Variants in RPS6KC1 observed in about 807,000 individuals in gnomAD.
RPS6KC1 encodes inactive ribosomal protein S6 kinase delta-1.
In RPS6KC1, 54 loss-of-function variants were observed where a neutral mutation model predicts 103.8. That is an observed-to-expected ratio of 0.52 (90% CI 0.42 to 0.65). The LOEUF (loss-of-function observed/expected upper bound fraction) is 0.65, where lower values mean the gene tolerates loss of function less well. Among genes scored for constraint, RPS6KC1 ranks in the 30% least tolerant of loss-of-function variants. The pLI is 0.00. For synonymous variants in RPS6KC1, 439 were observed against 438.7 expected, an observed-to-expected ratio of 1.00 and a Z score of -0.01; for missense variants, 1,151 against 1,253.8, an observed-to-expected ratio of 0.92 and a Z score of 1.24.
chr1:213,068,358 C>A (rs1331672063), intron 1 of RPS6KC1, among the ~76,000 whole-genome samples: 1 of 151,820 alleles, frequency 6.6e-6, no homozygotes, highest in Non-Finnish European at 1.5e-5. Flanking sequence ...GTAGCACATG[C>A]CTGTAGTCCC....
the RPS6KC1 span, among the ~76,000 whole-genome samples, chr1:213,482,190 T>G: frequency 6.6e-6 from 1 of 150,594 alleles, no homozygotes; most frequent in Non-Finnish European, 1.5e-5. Context: ...TATTTCTTCA[T>G]AGCAGTGAAG....
chr1:213,356,769 T>C, the RPS6KC1 span, among the ~76,000 whole-genome samples: 38 of 152,244 alleles, frequency 2.5e-4, no homozygotes, highest in Non-Finnish European at 4.6e-4. Flanking sequence ...GTTTACATCC[T>C]GCCAGCTTTT....
At chr1:213,544,858 C>T in the RPS6KC1 span, among the ~76,000 whole-genome samples, 3 of 152,142 alleles carry the variant, frequency 2.0e-5, no homozygotes, top group Non-Finnish European at 4.4e-5. Flanking sequence ...CTTTCTGTCT[C>T]CAAAGAGAAC....
At chr1:213,156,052 A>C (rs1477644248) in intron 6 of RPS6KC1, among the ~76,000 whole-genome samples, 3 of 152,218 alleles carry the variant, frequency 2.0e-5, no homozygotes, top group Non-Finnish European at 4.4e-5. Context: ...AAAATTAATC[A>C]ATCTAATCCT....
At chr1:213,473,962 T>C in the RPS6KC1 span, among the ~76,000 whole-genome samples, 2 of 152,186 alleles carry the variant, frequency 1.3e-5, no homozygotes, top group East Asian at 3.9e-4. Flanking sequence ...AGACCTGTTG[T>C]CAGGTTTGGA....
the RPS6KC1 span, among the ~76,000 whole-genome samples, chr1:213,817,238 C>T: frequency 2.6e-3 from 395 of 152,288 alleles, 2 homozygotes; most frequent in Middle Eastern, 0.014. Flanking sequence ...GCATAGTCAT[C>T]GGCTCCCCTC....
intron 8 of RPS6KC1, among the ~76,000 whole-genome samples, chr1:213,183,440 C>T (rs1448495310): frequency 1.3e-5 from 2 of 152,246 alleles, no homozygotes; most frequent in Admixed American, 6.5e-5. Context: ...TGAAATCATA[C>T]TGAGTGTGTT....
intron 8 of RPS6KC1, among the ~76,000 whole-genome samples, chr1:213,187,809 A>G (rs533771654): frequency 2.5e-4 from 38 of 151,782 alleles, no homozygotes; most frequent in Admixed American, 1.4e-3. Context: ...TAGAATAGTT[A>G]TTTATTCTAG....
At chr1:213,329,347 G>A in the RPS6KC1 span, among the ~76,000 whole-genome samples, 1 of 152,112 alleles carries the variant, frequency 6.6e-6, no homozygotes, top group Non-Finnish European at 1.5e-5. Flanking sequence ...GCTTGGCTCT[G>A]GGCATTTTAA....
At chr1:213,666,465 TGACA>T in the RPS6KC1 span, among the ~76,000 whole-genome samples, 41 of 152,200 alleles carry the variant, frequency 2.7e-4, no homozygotes, top group African/African-American at 9.9e-4. Flanking sequence ...CAATATTATC[TGACA>T]GATAAAAGCT....
At chr1:213,736,210 C>A in the RPS6KC1 span, among the ~76,000 whole-genome samples, 1 of 152,190 alleles carries the variant, frequency 6.6e-6, no homozygotes, top group Non-Finnish European at 1.5e-5. Flanking sequence ...ATCTCAGTTT[C>A]CATGGGTCAG....
the RPS6KC1 span, among the ~76,000 whole-genome samples, chr1:213,726,693 T>C: frequency 2.6e-5 from 4 of 152,250 alleles, no homozygotes; most frequent in Non-Finnish European, 4.4e-5. Flanking sequence ...TATCTATCTA[T>C]TGATGTATCT....
chr1:213,406,860 C>T, the RPS6KC1 span, among the ~76,000 whole-genome samples: 1 of 152,190 alleles, frequency 6.6e-6, no homozygotes, highest in African/African-American at 2.4e-5. Context: ...GAGTCCTCGG[C>T]TGATCCTGAG....
the RPS6KC1 span, among the ~76,000 whole-genome samples, chr1:213,622,442 G>C: frequency 6.6e-6 from 1 of 152,150 alleles, no homozygotes; most frequent in Non-Finnish European, 1.5e-5. Flanking sequence ...GGACAGTAGG[G>C]CATGCTTAAT....
chr1:213,622,644 G>A, the RPS6KC1 span, among the ~76,000 whole-genome samples: 260 of 152,162 alleles, frequency 1.7e-3, 2 homozygotes, highest in African/African-American at 5.8e-3. Context: ...TCGGCTGCAC[G>A]TATGTCTCTG....
At chr1:213,087,047 T>G (rs983128363) in intron 3 of RPS6KC1, among the ~76,000 whole-genome samples, 2 of 152,314 alleles carry the variant, frequency 1.3e-5, no homozygotes, top group African/African-American at 4.8e-5. Context: ...AAAAAAAGTT[T>G]AAAAAATAAT....
At chr1:213,334,023 G>A in the RPS6KC1 span, among the ~76,000 whole-genome samples, 1 of 152,142 alleles carries the variant, frequency 6.6e-6, no homozygotes, top group African/African-American at 2.4e-5. Flanking sequence ...GCACTCAGTG[G>A]AGAACTTCAA....
At chr1:213,606,235 G>GA in the RPS6KC1 span, among the ~76,000 whole-genome samples, 455 of 152,198 alleles carry the variant, frequency 3.0e-3, 3 homozygotes, top group African/African-American at 0.01. Flanking sequence ...AAAAAGAGAG[G>GA]AAAAAAACCC....
At chr1:213,258,219 G>T (rs1263968337) in intron 12 of RPS6KC1, among the ~76,000 whole-genome samples, 2 of 152,076 alleles carry the variant, frequency 1.3e-5, no homozygotes, top group African/African-American at 4.8e-5. Context: ...CTGACCTCAT[G>T]ATCTGGCCTC....
Sources: gnomAD v4.1 joint callset for allele counts (sites outside exome capture counted in the v4.1 genomes callset) on GRCh38, gnomAD v4.1.1 for gene constraint, MANE v1.5 for transcripts, NCBI Gene and HGNC (gene_info 2026-07-23, HGNC 2026-07-21) for gene names.